Variants in CLIP4 observed in about 807,000 individuals in gnomAD.
CLIP4 encodes CAP-Gly domain containing linker protein family member 4, also known as CAP-Gly domain-containing linker protein 4.
CLIP4 carries 47 observed loss-of-function variants against 73.1 expected under a neutral mutation model. That is an observed-to-expected ratio of 0.64 (90% CI 0.51 to 0.82). The LOEUF is 0.82. Ranked by LOEUF, CLIP4 falls within the 40% of genes least tolerant of loss-of-function variation. The pLI, the probability that CLIP4 is intolerant of heterozygous loss-of-function variation, is 0.00. For synonymous variants in CLIP4, 306 were observed against 295.4 expected (o/e 1.04, Z -0.37); for missense variants, 874 against 852.9 (o/e 1.02, Z -0.31).
chr2:29,175,642 A>G (rs1668281824), intron 15 of CLIP4: 1 of 152,238 alleles, frequency 6.6e-6, no homozygotes, highest in South Asian at 2.1e-4. Context: ...TGAGGTGGAA[A>G]TATCAGTACT....
At chr2:29,157,085 C>A in intron 10 of CLIP4, 119 bp from the exon 11 acceptor site, 1 of 814,532 alleles carries the variant, frequency 1.2e-6, no homozygotes, top group Non-Finnish European at 2.1e-6. Context: ...TAATTTGACA[C>A]TAGATAATCC....
intron 1 of CLIP4, among the ~76,000 whole-genome samples, chr2:29,099,922 ACT>A (rs1461805144): frequency 2.6e-5 from 4 of 151,744 alleles, no homozygotes; most frequent in Admixed American, 1.3e-4. Context: ...TTTATACATA[ACT>A]CTTTCTCTCT....
At chr2:29,167,373 G>A (rs1011930445) in intron 13 of CLIP4, 103 bp from the exon 14 acceptor site, 1 of 633,164 alleles carries the variant, frequency 1.6e-6, no homozygotes, top group Admixed American at 3.1e-5. Flanking sequence ...ATAAATATTT[G>A]TCTGATGAAT....
rs1226794783 is a variant in CLIP4 at position 29,132,171 on chromosome 2, A to G, written c.293A>G (p.Asn98Ser). 2 of 1,613,698 alleles carry G rather than the reference A, an allele frequency of 1.2e-6. No homozygotes were observed. The highest frequency in any genetic ancestry group is 1.1e-5 in the South Asian group (1 of 91,056). ...CTTCAGATTCTTAAGAGAGGTTGCA[A>G]TGTGAATGATAGAGATGGATTGACA... ...IGNEILKRGC[N>S]VNDRDGLTDM... Residue 98 changes from asparagine to serine, a missense_variant, in exon 4 of 16, where the codon AAT becomes AGT. Physicochemically the swap from Asn to Ser is conservative, Grantham distance 46. Transcript: ENST00000320081.
intron 2 of CLIP4, among the ~76,000 whole-genome samples, chr2:29,125,052 A>G (rs113315142): frequency 0.015 from 2,326 of 152,206 alleles, 47 homozygotes; most frequent in East Asian, 0.048. Flanking sequence ...CAGTTTAGTT[A>G]CTTGGAAATA....
At chr2:29,140,348 C>A (rs369211253) in intron 6 of CLIP4, among the ~76,000 whole-genome samples, 10 of 151,988 alleles carry the variant, frequency 6.6e-5, no homozygotes, top group Non-Finnish European at 1.0e-4. Context: ...TTTGTCCTTG[C>A]GATAGTTTAC....
At chr2:29,113,934 G>T, upstream of CLIP4, 1 of 152,302 alleles carries the variant, frequency 6.6e-6, no homozygotes. The surrounding 1 kb of genome is among the most constrained non-coding windows in gnomAD (Gnocchi z 4.0). Context: ...ACAAGAAGAG[G>T]GTATGATGAA....
chr2:29,118,666 C>G (rs1223882962), intron 1 of CLIP4, among the ~76,000 whole-genome samples: 1 of 151,832 alleles, frequency 6.6e-6, no homozygotes, highest in African/African-American at 2.4e-5. Context: ...TTACAGGTGC[C>G]CTCCACCATG....
At chr2:29,125,351 G>A (rs938189651) in intron 2 of CLIP4, among the ~76,000 whole-genome samples, 1 of 152,206 alleles carries the variant, frequency 6.6e-6, no homozygotes, top group South Asian at 2.1e-4. Flanking sequence ...CTTACTTCAA[G>A]TATTTCCTCA....
intron 1 of CLIP4, among the ~76,000 whole-genome samples, chr2:29,116,993 C>A (rs1021836257): frequency 1.3e-5 from 2 of 152,206 alleles, no homozygotes; most frequent in African/African-American, 2.4e-5. Context: ...CACTCTTTCT[C>A]CCTGTTCAAA....
intron 2 of CLIP4, among the ~76,000 whole-genome samples, chr2:29,126,347 G>C (rs1413887217): frequency 6.6e-6 from 1 of 152,104 alleles, no homozygotes; most frequent in African/African-American, 2.4e-5. Flanking sequence ...TCTCATTCTG[G>C]GTTATTCTGG....
intron 2 of CLIP4, among the ~76,000 whole-genome samples, chr2:29,129,051 T>C (rs1047674596): frequency 6.6e-6 from 1 of 152,214 alleles, no homozygotes; most frequent in African/African-American, 2.4e-5. Flanking sequence ...TCACTTGTTT[T>C]GAACAATTAT....
intron 9 of CLIP4, among the ~76,000 whole-genome samples, 170 bp from the exon 10 acceptor site, chr2:29,156,184 A>G (rs998456250): frequency 1.3e-5 from 2 of 152,200 alleles, no homozygotes; most frequent in Non-Finnish European, 2.9e-5. Context: ...TCCTTCTCGT[A>G]TGCTAGTGCT....
At chr2:29,180,501 G>C (rs1252200111) in intron 15 of CLIP4, among the ~76,000 whole-genome samples, 3 of 152,182 alleles carry the variant, frequency 2.0e-5, no homozygotes, top group Admixed American at 6.5e-5. Flanking sequence ...ACCCTCGTTA[G>C]TGTTAGTGGC....
At chr2:29,122,191 CT>C (rs1664294985) in intron 2 of CLIP4, among the ~76,000 whole-genome samples, 1 of 149,492 alleles carries the variant, frequency 6.7e-6, no homozygotes, top group Non-Finnish European at 1.5e-5. Context: ...GAGAATTTGT[CT>C]TTTTAGTCAT....
chr2:29,111,912 G>C (rs1382705809), upstream of CLIP4, among the ~76,000 whole-genome samples: 2 of 152,128 alleles, frequency 1.3e-5, no homozygotes, highest in Non-Finnish European at 2.9e-5. Context: ...TCATATGTAG[G>C]TCTGCCATTT....
At chr2:29,137,100 G>A (rs544051379) in intron 6 of CLIP4, among the ~76,000 whole-genome samples, 3 of 152,102 alleles carry the variant, frequency 2.0e-5, no homozygotes, top group African/African-American at 7.2e-5. Context: ...ATTGCCTGGT[G>A]CTGAGGTTTG....
At chr2:29,128,547 T>C (rs948896787) in intron 2 of CLIP4, among the ~76,000 whole-genome samples, 1 of 152,082 alleles carries the variant, frequency 6.6e-6, no homozygotes. Context: ...GAATCTTTGC[T>C]TTCTAGGCAG....
At chr2:29,134,889 T>C (rs1665237463) in intron 5 of CLIP4, among the ~76,000 whole-genome samples, 1 of 152,206 alleles carries the variant, frequency 6.6e-6, no homozygotes, top group Non-Finnish European at 1.5e-5. Context: ...AATCAATTTA[T>C]AGGTAAGCAT....
Sources: gnomAD v4.1 joint callset for allele counts (sites outside exome capture counted in the v4.1 genomes callset) on GRCh38, gnomAD v4.1.1 for gene constraint, Gnocchi (gnomAD v3.1) non-coding constraint, MANE v1.5 for transcripts, NCBI Gene and HGNC (gene_info 2026-07-23, HGNC 2026-07-21) for gene names.